KIF3B: variants seen among roughly 807,000 people sequenced by gnomAD.
KIF3B encodes kinesin-like protein KIF3B.
KIF3B carries 38 observed loss-of-function variants against 74.3 expected under a neutral mutation model. That is an observed-to-expected ratio of 0.51 (90% CI 0.39 to 0.67). The LOEUF (loss-of-function observed/expected upper bound fraction) is 0.67. KIF3B is among the 30% of genes least tolerant of loss of function. The pLI, the probability that KIF3B is intolerant of heterozygous loss-of-function variation, is 0.00. For synonymous variants in KIF3B, 326 were observed against 342.5 expected (o/e 0.95, Z 0.53); for missense variants, 649 against 932.0 (o/e 0.70, Z 3.95).
intron 1 of KIF3B, among the ~76,000 whole-genome samples, chr20:32,300,587 A>C (rs1470521058): frequency 6.6e-6 from 1 of 151,780 alleles, no homozygotes; most frequent in Non-Finnish European, 1.5e-5. Context: ...TGATTTTTAA[A>C]AATTTTTTTG....
intron 5 of KIF3B, among the ~76,000 whole-genome samples, chr20:32,326,255 C>G (rs552829545): frequency 1.3e-5 from 2 of 152,280 alleles, no homozygotes; most frequent in East Asian, 3.9e-4. Context: ...CTGAAATCCA[C>G]TTAGTCCTGC....
At position 32,318,226 on chromosome 20, in the gene KIF3B, T is replaced by C. The variant is rs2047838163; in HGVS notation, c.1748+1352T>C. Among the ~76,000 whole-genome samples, 7 of 151,310 alleles carry C rather than the reference T, an allele frequency of 4.6e-5. No homozygotes were observed. In the South Asian group the frequency reaches 1.5e-3, roughly 32 times the overall value. On this transcript the variant is annotated intron_variant, in intron 5 of 8. Transcript: ENST00000375712. Reference sequence around the variant, plus strand: ...CTGAGGCAGGAGAATCTCTTGAACCTGGGAGGCGGAGGTTGCAGTGAGCTG... The same window carrying C: ...CTGAGGCAGGAGAATCTCTTGAACCCGGGAGGCGGAGGTTGCAGTGAGCTG...
chr20:32,304,757 C>T (rs1243680815), intron 1 of KIF3B, among the ~76,000 whole-genome samples: 1 of 151,632 alleles, frequency 6.6e-6, no homozygotes, highest in Non-Finnish European at 1.5e-5. Flanking sequence ...TAACACTTGT[C>T]TGTGAGCAGC....
At chr20:32,297,739 G>A (rs892763642) in intron 1 of KIF3B, among the ~76,000 whole-genome samples, 1 of 152,040 alleles carries the variant, frequency 6.6e-6, no homozygotes, top group Non-Finnish European at 1.5e-5. Flanking sequence ...GATTCCTATT[G>A]CTGCCACTTG....
At chr20:32,277,999 G>C (rs1055448912) in intron 1 of KIF3B, among the ~76,000 whole-genome samples, 1 of 152,310 alleles carries the variant, frequency 6.6e-6, no homozygotes, top group Admixed American at 6.5e-5. Context: ...CAGCCCACCT[G>C]GGGGCCCTGA....
chr20:32,304,795 CAGAGAG>C (rs34339038), intron 1 of KIF3B, among the ~76,000 whole-genome samples: 4,347 of 147,032 alleles, frequency 0.03, 208 homozygotes, highest in African/African-American at 0.1. Flanking sequence ...GAGCAGGTCA[CAGAGAG>C]AGAGAGAGAG....
intron 6 of KIF3B, 89 bp from the exon 7 acceptor site, chr20:32,327,467 A>T: frequency 1.0e-6 from 1 of 980,554 alleles, no homozygotes; most frequent in Non-Finnish European, 1.6e-6. Context: ...CAGTCCAGGG[A>T]GTTACTTGCT....
chr20:32,334,399 C>G lies in KIF3B; in HGVS notation c.*3080C>G, dbSNP rs1237059677. 6.6e-6 allele frequency: 1 copy of G among 152,664 alleles called. No homozygotes were observed. The highest frequency in any genetic ancestry group is 2.4e-5 in the African/African-American group (1 of 41,450). The allele number at this position is 152,664 out of a possible 1,614,324, so 9.5% of individuals were successfully genotyped here. A position where few individuals can be genotyped will look rare whatever the true frequency, so the allele number is the denominator to read the frequency against. On this transcript the variant is annotated 3_prime_UTR_variant, in exon 9 of 9. Transcript: ENST00000375712. ...GACCAAGGGCGCCAGAGTGCTGCAA[C>G]TGGGGCGTGGGCCGCTCTCTGCTTT...
At position 32,333,648 on chromosome 20, in the gene KIF3B, A is replaced by C. The variant is rs1309434919; in HGVS notation, c.*2329A>C. The C allele has an allele frequency of 2.0e-5, 3 of 151,348 alleles. No individual in the cohort carries two copies. Among genetic ancestry groups the C allele is most frequent in the East Asian group, 3.8e-4 (2 of 5,202 alleles). The allele number at this position is 151,348 out of a possible 1,614,324, so 9.4% of individuals were successfully genotyped here. A position where few individuals can be genotyped will look rare whatever the true frequency, so the allele number is the denominator to read the frequency against. Reference sequence around the variant, plus strand: ...ACTCCCCCTCAAAAAAAAAAAAAAAAAAAAAAAAAACAGAAAGAAAGAAAA... The same window carrying C: ...ACTCCCCCTCAAAAAAAAAAAAAAACAAAAAAAAAACAGAAAGAAAGAAAA... On this transcript the variant is annotated 3_prime_UTR_variant, in exon 9 of 9. Transcript: ENST00000375712.
chr20:32,330,075 C>A, intron 7 of KIF3B, 66 bp from the exon 8 acceptor site: 1 of 1,432,078 alleles, frequency 7.0e-7, no homozygotes, highest in East Asian at 2.4e-5. Flanking sequence ...GAGGGGCCCT[C>A]GATTGCTTGT....
chr20:32,330,841 A>G (rs2047926312), intron 8 of KIF3B, among the ~76,000 whole-genome samples: 1 of 152,262 alleles, frequency 6.6e-6, no homozygotes, highest in Non-Finnish European at 1.5e-5. Flanking sequence ...CATGTGGTGC[A>G]AAACTAGTAA....
chr20:32,301,156 C>T lies in KIF3B; in HGVS notation c.-65-8557C>T, dbSNP rs6141284. On this transcript the variant is annotated intron_variant, in intron 1 of 8. Transcript: ENST00000375712. Reference sequence around the variant, plus strand: ...AGGCTGGAGTGCAGTGGCGCAATCTCGGCTCACTGCAGCCTCCACCTCCTG... The same window carrying T: ...AGGCTGGAGTGCAGTGGCGCAATCTTGGCTCACTGCAGCCTCCACCTCCTG... 4.5e-3 allele frequency among the ~76,000 whole-genome samples: 632 copies of T among 139,624 alleles called. 26 individuals carry two copies. The East Asian group carries it at 0.11, about 25-fold the overall frequency. 91.6% of individuals were successfully genotyped at this position (139,624 alleles called of 152,430 possible).
intron 7 of KIF3B, among the ~76,000 whole-genome samples, chr20:32,329,403 G>T (rs190962737): frequency 6.7e-6 from 1 of 149,408 alleles, no homozygotes; most frequent in Non-Finnish European, 1.5e-5. Flanking sequence ...AAGCTGGAGT[G>T]CTGTAGCACA....
rs753256754 is a variant in KIF3B, at chr20:32,316,215, C to T, written c.1405-3C>T. The T allele has an allele frequency of 3.3e-6, 5 of 1,535,014 alleles. No homozygotes were observed. Among genetic ancestry groups the T allele is most frequent in the Non-Finnish European group, 4.5e-6 (5 of 1,108,544 alleles). On this transcript the variant is annotated splice_polypyrimidine_tract_variant and splice_region_variant and intron_variant, in intron 2 of 8. Coordinates refer to ENST00000375712, the MANE Select transcript of KIF3B (RefSeq NM_004798.4). Reference sequence around the variant, plus strand: ...GATGGATTCTACTTTGTTTCTCACTCAGGCCATGGAGAGTAAGTTGCTTGT... The same window carrying T: ...GATGGATTCTACTTTGTTTCTCACTTAGGCCATGGAGAGTAAGTTGCTTGT...
At chr20:32,321,436 A>T (rs1481792161) in intron 5 of KIF3B, among the ~76,000 whole-genome samples, 1 of 151,962 alleles carries the variant, frequency 6.6e-6, no homozygotes, top group African/African-American at 2.4e-5. Context: ...CTCAAAAAAA[A>T]AAAAAAGAAA....
chr20:32,309,519 C>T (rs2424872), intron 1 of KIF3B, among the ~76,000 whole-genome samples, 194 bp from the exon 2 acceptor site: 151,817 of 152,246 alleles, frequency 1, 75,696 homozygotes, highest in East Asian at 1. Context: ...TAGCCAACAA[C>T]ACTGGTGGAC....
intron 1 of KIF3B, among the ~76,000 whole-genome samples, chr20:32,282,367 G>A (rs964580664): frequency 1.3e-5 from 2 of 152,126 alleles, no homozygotes; most frequent in African/African-American, 2.4e-5. Flanking sequence ...AATGATGAAA[G>A]GACTTTTTGG....
rs1372302664 is a variant in KIF3B, at chr20:32,331,526, T to C, written c.*207T>C. On this transcript the variant is annotated 3_prime_UTR_variant, in exon 9 of 9. Transcript: ENST00000375712. ...GCCCCTCTGGGAAACATCTTTTAAT[T>C]AGCATCTCAGAAATGCATGGGTAAG... The C allele has an allele frequency of 3.6e-6, 2 of 553,734 alleles. No individual in the cohort carries two copies. Among genetic ancestry groups the C allele is most frequent in the Non-Finnish European group, 6.3e-6 (2 of 318,330 alleles). The allele number at this position is 553,734 out of a possible 1,614,324, so 34.3% of individuals were successfully genotyped here.
At chr20:32,291,096 G>C (rs901318740) in intron 1 of KIF3B, among the ~76,000 whole-genome samples, 2 of 152,076 alleles carry the variant, frequency 1.3e-5, no homozygotes, top group African/African-American at 4.8e-5. Context: ...GTTACCAGGG[G>C]CTAAGGAGAG....
Sources: allele counts gnomAD v4.1 joint callset (sites outside exome capture counted in the v4.1 genomes callset), GRCh38; gene constraint gnomAD v4.1.1; transcripts MANE v1.5; gene names NCBI Gene and HGNC (gene_info 2026-07-23, HGNC 2026-07-21).